Variants in WDPCP observed in about 807,000 individuals in gnomAD.
WDPCP encodes the protein WD repeat-containing and planar cell polarity effector protein fritz homolog.
In WDPCP, 71 loss-of-function variants were observed where a neutral mutation model predicts 93.1. That is an observed-to-expected ratio of 0.76 (90% CI 0.63 to 0.93). WDPCP has a LOEUF of 0.93. Ranked by LOEUF, WDPCP falls within the 40% of genes least tolerant of loss-of-function variation. The pLI, the probability that WDPCP is intolerant of heterozygous loss-of-function variation, is 0.00. For synonymous variants in WDPCP, 315 were observed against 315.0 expected, an observed-to-expected ratio of 1.00 and a Z score of 0.00; for missense variants, 844 against 887.4, an observed-to-expected ratio of 0.95 and a Z score of 0.62.
Position 63,492,911 on chromosome 2 carries a change from A to T in WDPCP, c.105T>A (p.Ser35=). The change falls in exon 2 of 18, where the codon TCT becomes TCA. Residue 35 remains serine, a synonymous_variant. Transcript: ENST00000272321. ...QDRDSFCHQM[S]FCLTELHLWS... is the part of the protein sequence containing the mutation. ...ACAGGTGCAGTTCAGTCAAGCAGAAAGACATCTGATGGCAGAAGGAATCTC... is the reference window on the plus strand; with the variant it reads ...ACAGGTGCAGTTCAGTCAAGCAGAATGACATCTGATGGCAGAAGGAATCTC... 1 of 1,613,652 alleles carries T rather than the reference A, an allele frequency of 6.2e-7. No homozygotes were observed. The highest frequency in any genetic ancestry group is 1.7e-5 in the Admixed American group (1 of 60,010).
chr2:63,660,121 T>C (rs1050718310), intron 2 of WDPCP, among the ~76,000 whole-genome samples: 16 of 152,202 alleles, frequency 1.1e-4, no homozygotes, highest in African/African-American at 3.9e-4. Flanking sequence ...GGCAATATAA[T>C]GATAAGCTGT....
chr2:63,728,987 T>G (rs1036339556), intron 2 of WDPCP, among the ~76,000 whole-genome samples: 19 of 152,198 alleles, frequency 1.2e-4, no homozygotes, highest in African/African-American at 4.1e-4. Flanking sequence ...ACTGACACTT[T>G]TAATGGCTTT....
chr2:63,825,209 T>C (rs1188819516), intron 1 of WDPCP, among the ~76,000 whole-genome samples: 1 of 152,194 alleles, frequency 6.6e-6, no homozygotes, highest in African/African-American at 2.4e-5. Flanking sequence ...ATTTAATACA[T>C]ATCCTCAGAA....
At chr2:63,141,356 C>A (rs1337378377) in intron 17 of WDPCP, among the ~76,000 whole-genome samples, 2 of 152,214 alleles carry the variant, frequency 1.3e-5, no homozygotes, top group Non-Finnish European at 2.9e-5. Flanking sequence ...GGATTACAGG[C>A]ATGAGCCACC....
At chr2:63,798,606 T>C (rs1023255956) in intron 2 of WDPCP, among the ~76,000 whole-genome samples, 2 of 151,846 alleles carry the variant, frequency 1.3e-5, no homozygotes, top group Non-Finnish European at 1.5e-5. Context: ...AACTAAATCA[T>C]ATCATGAGAG....
intron 2 of WDPCP, among the ~76,000 whole-genome samples, chr2:63,782,168 A>G (rs1670404078): frequency 1.3e-5 from 2 of 152,182 alleles, no homozygotes; most frequent in Admixed American, 1.3e-4. Flanking sequence ...TCAACTCAAG[A>G]TGGATTAAAG....
chr2:63,391,377 T>C (rs1693231705), intron 10 of WDPCP, among the ~76,000 whole-genome samples: 1 of 152,114 alleles, frequency 6.6e-6, no homozygotes, highest in Non-Finnish European at 1.5e-5. Flanking sequence ...AACTAGGTAT[T>C]GATGGAATAT....
intron 6 of WDPCP, among the ~76,000 whole-genome samples, chr2:63,455,008 A>C (rs201420451): frequency 6.6e-6 from 1 of 152,226 alleles, no homozygotes; most frequent in African/African-American, 2.4e-5. Context: ...ATGCTGAAGC[A>C]ATTCATCACT....
chr2:63,653,048 C>T lies in WDPCP; in HGVS notation n.309-2210G>A, dbSNP rs559951574. Among the ~76,000 whole-genome samples the T allele has an allele frequency of 3.9e-5, 6 of 152,276 alleles. No individual in the cohort carries two copies. The South Asian group carries it at 1.0e-3, about 26-fold the overall frequency. On this transcript the variant is annotated intron_variant and non_coding_transcript_variant, in intron 2 of 4. Coordinates refer to the WDPCP transcript ENST00000467687. ...ATAAATAAGATGAATCCTTCAATTG[C>T]TCTGGCTTTCTTCCTGGAAGCAATT... is the stretch of plus-strand genomic sequence containing the variant.
intron 1 of WDPCP, among the ~76,000 whole-genome samples, chr2:63,531,933 G>A (rs1428224567): frequency 6.6e-6 from 1 of 151,964 alleles, no homozygotes; most frequent in Non-Finnish European, 1.5e-5. Flanking sequence ...GAGGATGTTC[G>A]AACCCATCAT....
At chr2:63,380,811 T>C (rs555864814) in intron 11 of WDPCP, among the ~76,000 whole-genome samples, 6 of 152,292 alleles carry the variant, frequency 3.9e-5, no homozygotes, top group East Asian at 1.9e-4. Flanking sequence ...TAAATATGTA[T>C]TGTGGGCCAC....
chr2:63,405,543 G>GTGTA (rs1694503138), intron 9 of WDPCP, among the ~76,000 whole-genome samples: 1 of 130,962 alleles, frequency 7.6e-6, no homozygotes, highest in South Asian at 2.4e-4. Context: ...GTGTGTGTGT[G>GTGTA]TGTGTGTGTG....
chr2:63,708,023 G>A (rs538625102), intron 2 of WDPCP, among the ~76,000 whole-genome samples: 6 of 152,290 alleles, frequency 3.9e-5, no homozygotes, highest in African/African-American at 1.2e-4. Context: ...TGTATGAGGT[G>A]TCAGTCCACC....
chr2:63,461,410 C>A (rs1032304525), intron 6 of WDPCP, among the ~76,000 whole-genome samples: 4 of 152,136 alleles, frequency 2.6e-5, no homozygotes, highest in Non-Finnish European at 5.9e-5. Context: ...GCTGGCTTCC[C>A]CCTTTGCCTT....
At chr2:63,172,601 T>G (rs1158433753) in intron 15 of WDPCP, among the ~76,000 whole-genome samples, 1 of 152,192 alleles carries the variant, frequency 6.6e-6, no homozygotes, top group Non-Finnish European at 1.5e-5. Context: ...ATACTTATTT[T>G]ATAAACAATA....
At chr2:63,680,725 C>T (rs1710480047) in intron 2 of WDPCP, among the ~76,000 whole-genome samples, 1 of 152,146 alleles carries the variant, frequency 6.6e-6, no homozygotes, top group Non-Finnish European at 1.5e-5. Context: ...TAAAAAAGTG[C>T]TCGTGCCACC....
intron 17 of WDPCP, among the ~76,000 whole-genome samples, chr2:63,125,066 A>C (rs1262111993): frequency 6.6e-6 from 1 of 152,190 alleles, no homozygotes; most frequent in Non-Finnish European, 1.5e-5. Flanking sequence ...TTCACTACTG[A>C]ACATTGTGAA....
chr2:63,565,018 C>T (rs1706929770), intron 1 of WDPCP, among the ~76,000 whole-genome samples: 2 of 152,300 alleles, frequency 1.3e-5, no homozygotes, highest in South Asian at 4.1e-4. Context: ...ACCTCATGAT[C>T]TGCCGCCTTG....
chr2:63,152,166 T>G (rs1408107223), intron 17 of WDPCP, among the ~76,000 whole-genome samples: 1 of 152,088 alleles, frequency 6.6e-6, no homozygotes, highest in Non-Finnish European at 1.5e-5. Flanking sequence ...TATTTTTAAA[T>G]TTTTTACTTT....
Sources: allele counts gnomAD v4.1 joint callset (sites outside exome capture counted in the v4.1 genomes callset), GRCh38; gene constraint gnomAD v4.1.1; transcripts MANE v1.5; gene names NCBI Gene and HGNC (gene_info 2026-07-23, HGNC 2026-07-21).